The following GRIA4 variants were observed in gnomAD, a reference collection of about 807,000 sequenced individuals.
GRIA4 encodes glutamate receptor 4.
Under a neutral mutation model 104.0 loss-of-function variants are expected in GRIA4, and 34 were observed. That is an observed-to-expected ratio of 0.33 (90% CI 0.25 to 0.44). The LOEUF is 0.44. Among genes scored for constraint, GRIA4 ranks in the 20% least tolerant of loss-of-function variants. The probability of loss-of-function intolerance (pLI) is 1.00; values close to 1 mark genes in which losing one functional copy is unlikely to be tolerated. For synonymous variants in GRIA4, 386 were observed against 381.9 expected (o/e 1.01, Z -0.13); for missense variants, 750 against 1,096.5 (o/e 0.68, Z 4.46).
chr11:105,831,303 G>C (rs545158547), intron 4 of GRIA4, among the ~76,000 whole-genome samples: 13 of 152,102 alleles, frequency 8.5e-5, no homozygotes, highest in African/African-American at 2.6e-4. Context: ...CAAAGGATAA[G>C]TTCCAGTGTG....
intron 3 of GRIA4, among the ~76,000 whole-genome samples, chr11:105,624,562 T>C (rs975790177): frequency 7.9e-5 from 12 of 152,156 alleles, no homozygotes; most frequent in African/African-American, 2.7e-4. Flanking sequence ...TTAGTTTCCA[T>C]AACCCTTTAT....
intron 6 of GRIA4, among the ~76,000 whole-genome samples, chr11:105,888,474 G>A (rs1423743041): frequency 6.6e-6 from 1 of 150,942 alleles, no homozygotes; most frequent in Non-Finnish European, 1.5e-5. Flanking sequence ...TTTTAGTAGA[G>A]ACGGGGTTTC....
intron 4 of GRIA4, among the ~76,000 whole-genome samples, chr11:105,784,059 G>T (rs1941850222): frequency 6.6e-6 from 1 of 152,096 alleles, no homozygotes; most frequent in Non-Finnish European, 1.5e-5. Context: ...TCTCCTTGTA[G>T]CTTAGCCTCA....
At chr11:105,818,000 T>C (rs1178936462) in intron 4 of GRIA4, among the ~76,000 whole-genome samples, 1 of 151,748 alleles carries the variant, frequency 6.6e-6, no homozygotes, top group Non-Finnish European at 1.5e-5. Flanking sequence ...CTCAGGAAAG[T>C]AGTGTAAGAA....
intron 10 of GRIA4, chr11:105,912,273 T>G: frequency 1.0e-6 from 1 of 975,604 alleles, no homozygotes; most frequent in Non-Finnish European, 1.2e-6. Flanking sequence ...GCTTGTTTTC[T>G]GAATATATAC....
intron 3 of GRIA4, chr11:105,612,809 T>A (rs1236989914): frequency 6.0e-6 from 1 of 167,822 alleles, no homozygotes; most frequent in Non-Finnish European, 1.3e-5. Flanking sequence ...TCTTTTCCTT[T>A]GGTTTTTCTT....
intron 14 of GRIA4, among the ~76,000 whole-genome samples, chr11:105,942,419 G>A (rs1243752703): frequency 1.3e-5 from 2 of 152,076 alleles, no homozygotes; most frequent in African/African-American, 4.8e-5. Context: ...ATATTTAAGT[G>A]AAACAATAAT....
At chr11:105,728,082 A>C (rs1938334414) in intron 3 of GRIA4, among the ~76,000 whole-genome samples, 1 of 152,220 alleles carries the variant, frequency 6.6e-6, no homozygotes, top group Admixed American at 6.5e-5. Flanking sequence ...CCAGACTGGC[A>C]AACTGGATAG....
intron 4 of GRIA4, among the ~76,000 whole-genome samples, chr11:105,778,642 T>A (rs1591240548): frequency 6.6e-6 from 1 of 151,960 alleles, no homozygotes; most frequent in Admixed American, 6.6e-5. Context: ...GAGGCAGAGG[T>A]TGCAGTGAGC....
intron 4 of GRIA4, among the ~76,000 whole-genome samples, chr11:105,824,150 T>G (rs962680370): frequency 6.6e-6 from 1 of 152,044 alleles, no homozygotes; most frequent in African/African-American, 2.4e-5. Flanking sequence ...CAGGCTGTGG[T>G]GTTTTGTTAT....
At position 105,887,807 on chromosome 11, in the gene GRIA4, C is replaced by G. The variant is rs74623985; in HGVS notation, c.726+235C>G. ...CCTTTAAAAGAAATGATAATGGTTACTTTGCTACGATACCACTTGTCAAAT... is the reference window on the plus strand; with the variant it reads ...CCTTTAAAAGAAATGATAATGGTTAGTTTGCTACGATACCACTTGTCAAAT... On this transcript the variant is annotated intron_variant, in intron 6 of 16. Transcript: ENST00000282499. Among the ~76,000 whole-genome samples the G allele has an allele frequency of 4.2e-3, 642 of 152,220 alleles. 9 individuals carry two copies. The highest frequency in any genetic ancestry group is 3.1e-3 in the Non-Finnish European group (213 of 67,978).
intron 9 of GRIA4, among the ~76,000 whole-genome samples, chr11:105,905,731 A>T (rs1947020619): frequency 6.6e-6 from 1 of 152,218 alleles, no homozygotes; most frequent in Non-Finnish European, 1.5e-5. Flanking sequence ...GTGTTCTTGA[A>T]GTAATCAACT....
intron 4 of GRIA4, among the ~76,000 whole-genome samples, chr11:105,772,425 C>T (rs769841354): frequency 2.0e-5 from 3 of 152,046 alleles, no homozygotes; most frequent in Non-Finnish European, 4.4e-5. Context: ...CTTACAGTAT[C>T]GAGAAACACA....
At chr11:105,731,255 G>A (rs1054482750) in intron 3 of GRIA4, among the ~76,000 whole-genome samples, 13 of 152,140 alleles carry the variant, frequency 8.5e-5, no homozygotes, top group African/African-American at 2.4e-4. Context: ...ACATTCATGC[G>A]GCCAACAAAC....
intron 16 of GRIA4, 44 bp from the exon 17 acceptor site, chr11:105,979,531 G>T: frequency 6.4e-7 from 1 of 1,561,848 alleles, no homozygotes. Context: ...ACAGAAATAT[G>T]GTAACACTCC....
intron 6 of GRIA4, among the ~76,000 whole-genome samples, chr11:105,890,381 G>C (rs758080622): frequency 6.6e-6 from 1 of 152,124 alleles, no homozygotes; most frequent in African/African-American, 2.4e-5. Flanking sequence ...CTGAAATACA[G>C]AAAGCAGATT....
intron 3 of GRIA4, among the ~76,000 whole-genome samples, chr11:105,615,202 A>G (rs983023930): frequency 7.2e-5 from 11 of 151,974 alleles, no homozygotes; most frequent in African/African-American, 2.4e-4. Context: ...CACAAAGAAT[A>G]AAGCGTGTTA....
intron 14 of GRIA4, among the ~76,000 whole-genome samples, chr11:105,955,386 T>C (rs1208206616): frequency 6.6e-6 from 1 of 152,190 alleles, no homozygotes; most frequent in Non-Finnish European, 1.5e-5. Context: ...TTGTTTTCTG[T>C]TCCTGTGTTA....
chr11:105,859,382 GTGTCCTAGGGTTC>G (rs1945134767), intron 4 of GRIA4, among the ~76,000 whole-genome samples: 1 of 152,196 alleles, frequency 6.6e-6, no homozygotes, highest in Non-Finnish European at 1.5e-5. Flanking sequence ...AACAAAGATT[GTGTCCTAGGGTTC>G]TGTCTGATTC....
Sources: allele counts gnomAD v4.1 joint callset (sites outside exome capture counted in the v4.1 genomes callset), GRCh38; gene constraint gnomAD v4.1.1; transcripts MANE v1.5; gene names NCBI Gene and HGNC (gene_info 2026-07-23, HGNC 2026-07-21).